Variants in PTPDC1 observed in about 807,000 individuals in gnomAD.
The protein encoded by PTPDC1 is protein tyrosine phosphatase domain containing 1.
In PTPDC1, 53 loss-of-function variants were observed where a neutral mutation model predicts 75.3. The ratio of observed to expected loss-of-function variants is 0.70; its 90% CI spans 0.56 to 0.88. The LOEUF is 0.88. Among genes scored for constraint, PTPDC1 ranks in the 40% least tolerant of loss-of-function variants. The probability of loss-of-function intolerance (pLI) is 0.00; values close to 1 mark genes in which losing one functional copy is unlikely to be tolerated. For synonymous variants in PTPDC1, 349 were observed against 366.2 expected (o/e 0.95, Z 0.54); for missense variants, 925 against 998.6 (o/e 0.93, Z 0.99).
chr9:94,076,318 A>G (rs190995341), intron 2 of PTPDC1, among the ~76,000 whole-genome samples: 1 of 152,216 alleles, frequency 6.6e-6, no homozygotes, highest in Admixed American at 6.5e-5. Context: ...TGTACTCTTT[A>G]GCAAGCACCA....
chr9:94,069,522 CTTTT>C (rs564996961), intron 2 of PTPDC1, among the ~76,000 whole-genome samples: 2 of 135,770 alleles, frequency 1.5e-5, no homozygotes, highest in African/African-American at 2.7e-5. Context: ...ACTTCCAATT[CTTTT>C]TTTTTTTTTT....
intron 2 of PTPDC1, among the ~76,000 whole-genome samples, chr9:94,074,951 G>A (rs1826636094): frequency 6.6e-6 from 1 of 152,136 alleles, no homozygotes; most frequent in South Asian, 2.1e-4. Context: ...GAGAACGAAG[G>A]TTCAGGTCTC....
chr9:94,084,889 TTTGCTG>T, intron 1 of PTPDC1, 115 bp downstream of exon 1: 1 of 733,062 alleles, frequency 1.4e-6, no homozygotes, highest in East Asian at 2.7e-5. Context: ...TATTATACTT[TTTGCTG>T]TCTGTTATGC....
At chr9:94,069,823 C>CTTTTTT (rs763640631) in intron 2 of PTPDC1, among the ~76,000 whole-genome samples, 3 of 108,210 alleles carry the variant, frequency 2.8e-5, no homozygotes, top group African/African-American at 7.2e-5. Flanking sequence ...CCAATACTTT[C>CTTTTTT]TTTTTTTTTT....
At chr9:94,061,698 T>G (rs772191978) in intron 1 of PTPDC1, among the ~76,000 whole-genome samples, 1 of 152,206 alleles carries the variant, frequency 6.6e-6, no homozygotes, top group African/African-American at 2.4e-5. Flanking sequence ...TCAACTGTAC[T>G]TGGGCCCATT....
chr9:94,051,459 TA>T (rs1243545754), intron 1 of PTPDC1, among the ~76,000 whole-genome samples: 3 of 152,230 alleles, frequency 2.0e-5, no homozygotes, highest in Non-Finnish European at 2.9e-5. Context: ...GGTGTTAGGT[TA>T]ATGCTAGCCT....
chr9:94,080,271 A>T (rs1826834853), upstream of PTPDC1, among the ~76,000 whole-genome samples: 2 of 152,156 alleles, frequency 1.3e-5, no homozygotes, highest in African/African-American at 4.8e-5. Flanking sequence ...TAAATATATT[A>T]AAGATTACTG....
intron 1 of PTPDC1, among the ~76,000 whole-genome samples, chr9:94,064,446 CTG>C (rs1826235456): frequency 6.6e-6 from 1 of 152,194 alleles, no homozygotes; most frequent in African/African-American, 2.4e-5. Context: ...TCAATGGAAA[CTG>C]TATCATTTGA....
rs779102176 is a variant in PTPDC1, at chr9:94,097,354, C to T, written c.788C>T (p.Thr263Met). The T allele has an allele frequency of 7.5e-6, 12 of 1,610,008 alleles. No homozygotes were observed. The highest frequency in any genetic ancestry group is 2.2e-5 in the South Asian group (2 of 90,422). Reference protein sequence around the residue: ...VLIACYLVFATRMTADQAIIF... With the variant: ...VLIACYLVFAMRMTADQAIIF... ...ATAGCCTGTTACTTAGTTTTTGCAACGAGAATGACTGCTGACCAAGCAATT... is the reference window on the plus strand; with the variant it reads ...ATAGCCTGTTACTTAGTTTTTGCAATGAGAATGACTGCTGACCAAGCAATT... Residue 263 changes from threonine (T) to methionine (M), a missense_variant, in exon 6 of 9, where the codon ACG becomes ATG. Thr to Met is a moderately conservative substitution (Grantham distance 81). Coordinates refer to ENST00000620992, the MANE Select transcript of PTPDC1 (RefSeq NM_001253829.2).
At chr9:94,105,288 A>T (rs1564040679) in intron 8 of PTPDC1, among the ~76,000 whole-genome samples, 1 of 152,208 alleles carries the variant, frequency 6.6e-6, no homozygotes, top group Non-Finnish European at 1.5e-5. Flanking sequence ...CTCAAATCCA[A>T]ACCGCGTGGT....
At chr9:94,063,177 G>T (rs1274441251) in intron 1 of PTPDC1, among the ~76,000 whole-genome samples, 1 of 152,192 alleles carries the variant, frequency 6.6e-6, no homozygotes, top group Non-Finnish European at 1.5e-5. Context: ...GACCTTCTCT[G>T]GGACATGGTT....
chr9:94,050,879 C>T (rs1180509611), intron 1 of PTPDC1, among the ~76,000 whole-genome samples: 1 of 152,234 alleles, frequency 6.6e-6, no homozygotes, highest in Non-Finnish European at 1.5e-5. Context: ...AGCTTCTCGG[C>T]CGCTTTGTTT....
intron 2 of PTPDC1, among the ~76,000 whole-genome samples, chr9:94,067,752 C>A (rs1042227831): frequency 1.3e-5 from 2 of 152,140 alleles, no homozygotes; most frequent in African/African-American, 4.8e-5. Context: ...CAGGCATGCG[C>A]CACCATGCCT....
At chr9:94,065,340 A>G (rs576744613) in intron 2 of PTPDC1, among the ~76,000 whole-genome samples, 28 of 152,340 alleles carry the variant, frequency 1.8e-4, no homozygotes, top group Admixed American at 1.3e-4. Flanking sequence ...CTTCTGCTTT[A>G]GATATTGCTG....
chr9:94,097,292 A>T lies in PTPDC1; in HGVS notation c.755-29A>T, dbSNP rs199534766. The T allele has an allele frequency of 2.1e-6, 3 of 1,415,430 alleles. No individual in the cohort carries two copies. In the African/African-American group the frequency reaches 4.3e-5, roughly 20 times the overall value. The allele number at this position is 1,415,430 out of a possible 1,614,324, so 87.7% of individuals were successfully genotyped here. The stretch of plus-strand genomic sequence containing the variant: ...ATAAATAAAAATGTAAGCTTTTCTC[A>T]TACCAGTCTTCTCTTCTTCACTGTT... On this transcript the variant is annotated intron_variant, in intron 5 of 8. Transcript: ENST00000620992.
At chr9:94,097,283 G>A (rs374738838) in intron 5 of PTPDC1, 38 bp from the exon 6 acceptor site, 22 of 1,312,514 alleles carry the variant, frequency 1.7e-5, no homozygotes, top group East Asian at 4.6e-5. Context: ...AAAAATGTAA[G>A]CTTTTCTCAT....
At chr9:94,095,259 T>A in intron 4 of PTPDC1, 58 bp from the exon 5 acceptor site, 1 of 1,272,532 alleles carries the variant, frequency 7.9e-7, no homozygotes, top group Non-Finnish European at 1.1e-6. Flanking sequence ...TTCATTAGTG[T>A]TTGTACTTTC....
chr9:94,075,175 G>A (rs1198922492), intron 2 of PTPDC1, among the ~76,000 whole-genome samples: 1 of 152,146 alleles, frequency 6.6e-6, no homozygotes, highest in Non-Finnish European at 1.5e-5. Flanking sequence ...CACCCAGCAG[G>A]GGAATCAGAG....
At chr9:94,045,322 A>G (rs1378573774) in intron 1 of PTPDC1, among the ~76,000 whole-genome samples, 1 of 152,130 alleles carries the variant, frequency 6.6e-6, no homozygotes, top group Non-Finnish European at 1.5e-5. Context: ...ATGTGTCTTT[A>G]TAGCAGCATG....
Sources: allele counts gnomAD v4.1 joint callset (sites outside exome capture counted in the v4.1 genomes callset), GRCh38; gene constraint gnomAD v4.1.1; transcripts MANE v1.5; gene names NCBI Gene and HGNC (gene_info 2026-07-23, HGNC 2026-07-21).